The following STMN2 variants were observed in gnomAD, a reference collection of about 807,000 sequenced individuals.
STMN2 encodes stathmin-2.
A neutral mutation model predicts 24.1 loss-of-function variants in STMN2; 2 were observed. That is an observed-to-expected ratio of 0.08 (90% CI 0.03 to 0.26). STMN2 has a LOEUF of 0.26. STMN2 is among the 10% of genes least tolerant of loss of function. The probability of loss-of-function intolerance (pLI) is 1.00; values close to 1 mark genes in which losing one functional copy is unlikely to be tolerated. For synonymous variants in STMN2, 83 were observed against 77.5 expected (o/e 1.07, Z -0.37); for missense variants, 114 against 213.6 (o/e 0.53, Z 2.91).
intron 4 of STMN2, chr8:79,663,503 G>A (rs2130403774): frequency 2.2e-6 from 2 of 900,406 alleles, no homozygotes; most frequent in Non-Finnish European, 3.3e-6. Context: ...TAAATATTCA[G>A]TATTATGATA....
At chr8:79,615,806 A>G (rs1175604655) in intron 1 of STMN2, among the ~76,000 whole-genome samples, 4 of 152,224 alleles carry the variant, frequency 2.6e-5, no homozygotes, top group Non-Finnish European at 5.9e-5. Context: ...AGTGGTCATA[A>G]TCTGAAAGTA....
intron 3 of STMN2, among the ~76,000 whole-genome samples, chr8:79,644,435 A>G (rs909697137): frequency 9.9e-5 from 15 of 152,240 alleles, no homozygotes; most frequent in African/African-American, 3.4e-4. Context: ...TAGTTTAACA[A>G]AAGTCCCGAA....
intron 1 of STMN2, 101 bp downstream of exon 1, chr8:79,611,315 A>C: frequency 6.6e-7 from 1 of 1,508,448 alleles, no homozygotes; most frequent in South Asian, 1.2e-5. Context: ...TATAAAGAAA[A>C]AGATGTTAAT....
intron 1 of STMN2, among the ~76,000 whole-genome samples, chr8:79,633,342 A>C (rs1335079802): frequency 1.3e-5 from 2 of 152,242 alleles, no homozygotes; most frequent in African/African-American, 2.4e-5. Context: ...AACAAATAAC[A>C]GTAAAGATAA....
chr8:79,650,913 T>A lies in STMN2; in HGVS notation c.289-3958T>A, dbSNP rs540679454. On this transcript the variant is annotated intron_variant, in intron 3 of 4. Transcript: ENST00000220876. ...AAGGTCACACCACTATACTCCAGCCTGAGCAACAAAGCAAGACCCTGTCTC... is the reference window on the plus strand; with the variant it reads ...AAGGTCACACCACTATACTCCAGCCAGAGCAACAAAGCAAGACCCTGTCTC... Among the ~76,000 whole-genome samples, 6 of 152,228 alleles carry A rather than the reference T, an allele frequency of 3.9e-5. No homozygotes were observed. In the East Asian group the frequency reaches 1.2e-3, roughly 29 times the overall value.
At position 79,635,058 on chromosome 8, in the gene STMN2, G is replaced by A. The variant is rs566921927; in HGVS notation, c.20-1744G>A. Among the ~76,000 whole-genome samples the A allele has an allele frequency of 2.0e-5, 3 of 152,280 alleles. No individual in the cohort carries two copies. In the East Asian group the frequency reaches 5.8e-4, roughly 29 times the overall value. On this transcript the variant is annotated intron_variant, in intron 1 of 4. Transcript: ENST00000220876. ...TTTACTAATTGCATAATTAACAAAA[G>A]TAAGAAGATTTTACCTCCTTATCCC...
At chr8:79,661,868 C>T (rs2130400123) in intron 4 of STMN2, among the ~76,000 whole-genome samples, 1 of 152,240 alleles carries the variant, frequency 6.6e-6, no homozygotes, top group South Asian at 2.1e-4. Context: ...ACACAACTCA[C>T]TCCTGACCCC....
chr8:79,655,150 G>A, intron 4 of STMN2, 88 bp downstream of exon 4: 1 of 1,491,978 alleles, frequency 6.7e-7, no homozygotes, highest in Non-Finnish European at 9.1e-7. Context: ...CAGAGACGAA[G>A]TCAAAATTTG....
intron 1 of STMN2, among the ~76,000 whole-genome samples, chr8:79,617,027 TAA>T (rs1331633428): frequency 6.6e-6 from 1 of 152,208 alleles, no homozygotes; most frequent in Non-Finnish European, 1.5e-5. Context: ...CTGAAGAAAT[TAA>T]AACAAAAGAT....
intron 2 of STMN2, among the ~76,000 whole-genome samples, chr8:79,639,769 TG>T (rs1394595322): frequency 1.3e-5 from 2 of 152,334 alleles, no homozygotes; most frequent in East Asian, 3.9e-4. Flanking sequence ...CATTAGAGAA[TG>T]GCTAAGTGAA....
At position 79,665,084 on chromosome 8, in the gene STMN2, C is replaced by A. The variant is rs958730646; in HGVS notation, c.*210C>A. 4 of 366,626 alleles carry A rather than the reference C, an allele frequency of 1.1e-5. No homozygotes were observed. Among genetic ancestry groups the A allele is most frequent in the African/African-American group, 4.3e-5 (2 of 47,008 alleles). The allele number at this position is 366,626 out of a possible 1,614,324, so 22.7% of individuals were successfully genotyped here. The stretch of plus-strand genomic sequence containing the variant: ...TTGATGTTTAAAAAATACCTTGGAT[C>A]TTATTTTGTAAATACTTACATTTTT... On this transcript the variant is annotated 3_prime_UTR_variant, in exon 5 of 5. Transcript: ENST00000220876.
At chr8:79,646,397 A>AG (rs1478264536) in intron 3 of STMN2, among the ~76,000 whole-genome samples, 3 of 151,808 alleles carry the variant, frequency 2.0e-5, no homozygotes, top group African/African-American at 7.3e-5. Flanking sequence ...TGGGGGTGAA[A>AG]GAAGCTAATA....
intron 1 of STMN2, among the ~76,000 whole-genome samples, chr8:79,628,153 T>A (rs910254818): frequency 2.6e-5 from 4 of 151,752 alleles, no homozygotes; most frequent in African/African-American, 9.7e-5. Context: ...GTAGTTTTAT[T>A]TTTTTTTATT....
intron 4 of STMN2, among the ~76,000 whole-genome samples, 173 bp downstream of exon 4, chr8:79,655,235 A>G (rs1447598107): frequency 2.6e-5 from 4 of 152,148 alleles, no homozygotes; most frequent in African/African-American, 9.7e-5. Flanking sequence ...GAGGTGCAAC[A>G]TGGTAGAGAA....
chr8:79,632,853 TAA>T (rs1387589118), intron 1 of STMN2, among the ~76,000 whole-genome samples: 1 of 152,166 alleles, frequency 6.6e-6, no homozygotes, highest in African/African-American at 2.4e-5. Context: ...AACAAAATGA[TAA>T]GTGTTAAAAT....
At chr8:79,657,818 T>C in intron 4 of STMN2, among the ~76,000 whole-genome samples, 1 of 152,374 alleles carries the variant, frequency 6.6e-6, no homozygotes, top group Non-Finnish European at 1.5e-5. Context: ...ATACTAAAAC[T>C]ACTTTGCTTT....
intron 1 of STMN2, chr8:79,631,458 A>G: frequency 1.0e-6 from 1 of 984,704 alleles, no homozygotes; most frequent in Non-Finnish European, 1.2e-6. Context: ...ATTTTATTCT[A>G]AAGCAATTAG....
At position 79,649,286 on chromosome 8, in the gene STMN2, G is replaced by A. The variant is rs116820895; in HGVS notation, c.289-5585G>A. 5.0e-3 allele frequency among the ~76,000 whole-genome samples: 763 copies of A among 151,932 alleles called. 10 individuals are homozygous for A. The highest frequency in any genetic ancestry group is 0.018 in the African/African-American group (728 of 41,434). ...TGGCACGTGGGCCACAGAATCTTCC[G>A]TGTGCTACCTTCTCGGTGAAGAAGA... On this transcript the variant is annotated intron_variant, in intron 3 of 4. Transcript: ENST00000220876.
At chr8:79,614,888 G>A (rs1809347934) in intron 1 of STMN2, among the ~76,000 whole-genome samples, 1 of 152,074 alleles carries the variant, frequency 6.6e-6, no homozygotes, top group Non-Finnish European at 1.5e-5. Context: ...ATGGATAGAT[G>A]GTGGAATAAG....
Sources: allele counts gnomAD v4.1 joint callset (sites outside exome capture counted in the v4.1 genomes callset), GRCh38; gene constraint gnomAD v4.1.1; transcripts MANE v1.5; gene names NCBI Gene and HGNC (gene_info 2026-07-23, HGNC 2026-07-21).